The following MT1G variants were observed in gnomAD, a reference collection of about 807,000 sequenced individuals.
MT1G encodes the protein metallothionein 1G, also known as metallothionein-1G.
MT1G carries 8 observed loss-of-function variants against 9.1 expected under a neutral mutation model. That is an observed-to-expected ratio of 0.87 (90% CI 0.51 to 1.58). The LOEUF (loss-of-function observed/expected upper bound fraction) is 1.58, where lower values mean the gene tolerates loss of function less well. Among genes scored for constraint, MT1G ranks in the 40% most tolerant of loss-of-function variants. The pLI, the probability that MT1G is intolerant of heterozygous loss-of-function variation, is 0.00. For missense variants in MT1G, 79 were observed against 77.3 expected, an observed-to-expected ratio of 1.02 and a Z score of -0.08; for synonymous variants, 31 against 28.4, an observed-to-expected ratio of 1.09 and a Z score of -0.29.
intron 1 of MT1G, 127 bp downstream of exon 1, chr16:56,667,839 G>T: frequency 2.7e-6 from 3 of 1,131,924 alleles, no homozygotes; most frequent in Non-Finnish European, 4.0e-6. Flanking sequence ...CAACAGGAAA[G>T]CACTGGACCA....
At position 56,667,969 on chromosome 16, in the gene MT1G, C is replaced by T; in HGVS notation, c.25G>A (p.Ala9Thr). 1 of 1,613,938 alleles carries T rather than the reference C, an allele frequency of 6.2e-7. No homozygotes were observed. The change falls in exon 1 of 3, where the codon GCT becomes ACT. Residue 9 changes from alanine to threonine, a missense_variant. Coordinates refer to ENST00000379811, the MANE Select transcript of MT1G (RefSeq NM_001301267.2). Reference sequence around the variant, plus strand: ...ACAGAACCCGGGCGTCCCTTACCAGCGGCACAGGAGCAGTTGGGGTCCATT... The same window carrying T: ...ACAGAACCCGGGCGTCCCTTACCAGTGGCACAGGAGCAGTTGGGGTCCATT... MDPNCSCA[A>T]AGVSCTCASS... is the part of the protein sequence containing the mutation.
intron 2 of MT1G, 113 bp downstream of exon 2, chr16:56,667,199 C>T (rs1227311854): frequency 6.3e-7 from 1 of 1,596,008 alleles, no homozygotes; most frequent in East Asian, 2.2e-5. Flanking sequence ...CAGTGACAAC[C>T]TACAGGGACA....
intron 1 of MT1G, among the ~76,000 whole-genome samples, chr16:56,667,750 C>A (rs1960805873): frequency 6.6e-6 from 1 of 152,172 alleles, no homozygotes; most frequent in Non-Finnish European, 1.5e-5. Flanking sequence ...TGACGTGGAG[C>A]AGGACAGCCT....
At position 56,667,085 on chromosome 16, in the gene MT1G, A is replaced by G. The variant is rs576853158; in HGVS notation, c.98-115T>C. ...CAGAGGACCCTTAGTTCATGATGGC[A>G]TGGTTTTTGTCAGGAGACAACTGGT... On this transcript the variant is annotated intron_variant, in intron 2 of 2. Transcript: ENST00000379811. 130 of 1,581,512 alleles carry G rather than the reference A, an allele frequency of 8.2e-5. No homozygotes were observed. The South Asian group carries it at 1.5e-3, about 18-fold the overall frequency.
In MT1G at chr16:56,666,855, C is replaced by G. The variant is rs373980553; in HGVS notation, c.*24G>C. 1.4e-5 allele frequency: 23 copies of G among 1,612,676 alleles called. No homozygotes were observed. Among genetic ancestry groups the G allele is most frequent in the Non-Finnish European group, 1.9e-5 (23 of 1,179,584 alleles). On this transcript the variant is annotated 3_prime_UTR_variant, in exon 3 of 3. Transcript: ENST00000379811. ...GATTTTACGGGTCACTCTATTTGTA[C>G]TTGGGAGCAGGGCTGTCCCGACATC...
intron 1 of MT1G, 69 bp downstream of exon 1, chr16:56,667,897 A>G: frequency 1.3e-6 from 2 of 1,583,302 alleles, no homozygotes; most frequent in Non-Finnish European, 1.7e-6. Flanking sequence ...ACCTCCTCAA[A>G]CCCAGGGACA....
intron 2 of MT1G, 73 bp from the exon 3 acceptor site, chr16:56,667,043 C>T (rs1278846830): frequency 1.2e-6 from 2 of 1,603,106 alleles, no homozygotes; most frequent in Admixed American, 1.7e-5. Flanking sequence ...AGAGGCCTGT[C>T]TCCATCCCTC....
chr16:56,667,744 G>A (rs752154953), intron 1 of MT1G, among the ~76,000 whole-genome samples: 3 of 152,206 alleles, frequency 2.0e-5, no homozygotes, highest in Non-Finnish European at 4.4e-5. Flanking sequence ...ACCAGGTGAC[G>A]TGGAGCAGGA....
Position 56,668,036 on chromosome 16 carries a change from G to A in MT1G, c.-43C>T. On this transcript the variant is annotated 5_prime_UTR_variant, in exon 1 of 3. Transcript: ENST00000379811. ...CTAGAGTTCCCAAGCGAGAAGGGAA[G>A]AGGCAGTGGGTGCACGTGGAAGGCG... 1 of 1,608,670 alleles carries A rather than the reference G, an allele frequency of 6.2e-7. No individual in the cohort carries two copies. The highest frequency in any genetic ancestry group is 8.5e-7 in the Non-Finnish European group (1 of 1,175,406).
At position 56,666,880 on chromosome 16, in the gene MT1G, C is replaced by T. The variant is rs1396739349; in HGVS notation, c.188G>A (p.Ter63=). ...CTTGGGAGCAGGGCTGTCCCGACATCAGGCGCAGCAGCTGCACTTCTCCGA... is the reference window on the plus strand; with the variant it reads ...CTTGGGAGCAGGGCTGTCCCGACATTAGGCGCAGCAGCTGCACTTCTCCGA... The part of the protein sequence containing the change: ...GASEKCSCCA[*] Residue 63 remains the stop codon, a stop_retained_variant, in exon 3 of 3, where the codon TGA becomes TAA. Coordinates refer to ENST00000379811, the MANE Select transcript of MT1G (RefSeq NM_001301267.2). The T allele has an allele frequency of 4.3e-6, 7 of 1,614,260 alleles. No homozygotes were observed. Among genetic ancestry groups the T allele is most frequent in the Non-Finnish European group, 5.9e-6 (7 of 1,180,036 alleles).
Position 56,667,530 on chromosome 16 carries a change from T to C in MT1G, c.29-150A>G, listed in dbSNP as rs191020083. 26 of 1,176,158 alleles carry C rather than the reference T, an allele frequency of 2.2e-5. No homozygotes were observed. In the Admixed American group the frequency reaches 2.8e-4, roughly 13 times the overall value. The allele number at this position is 1,176,158 out of a possible 1,614,324, so 72.9% of individuals were successfully genotyped here. ...AGAGGAAGAGAAGCCCCATGTCCTC[T>C]CCATTCATGCTGGGAAAACCAAGCA... On this transcript the variant is annotated intron_variant, in intron 1 of 2. Transcript: ENST00000379811.
chr16:56,667,056 G>A, intron 2 of MT1G, 86 bp from the exon 3 acceptor site: 1 of 1,597,252 alleles, frequency 6.3e-7, no homozygotes, highest in Admixed American at 1.7e-5. Flanking sequence ...CATCCCTCCA[G>A]CCCCAGAGGA....
Position 56,666,927 on chromosome 16 carries a change from C to T in MT1G, c.141G>A (p.Gln47=). 1 of 1,614,232 alleles carries T rather than the reference C, an allele frequency of 6.2e-7. No individual in the cohort carries two copies. The highest frequency in any genetic ancestry group is 8.5e-7 in the Non-Finnish European group (1 of 1,180,046). ...CCPVGCAKCA[Q]GCICKGASEK... ...CCGATGCCCCTTTGCAGATGCAGCC[C>T]TGGGCACACTTGGCACAGCCCACAG... Residue 47 remains glutamine (Q), a synonymous_variant, in exon 3 of 3, where the codon CAG becomes CAA. Coordinates refer to ENST00000379811, the MANE Select transcript of MT1G (RefSeq NM_001301267.2).
chr16:56,667,337 C>T lies in MT1G; in HGVS notation c.72G>A (p.Glu24=), dbSNP rs779502858. 5 of 1,614,162 alleles carry T rather than the reference C, an allele frequency of 3.1e-6. No individual in the cohort carries two copies. Among genetic ancestry groups the T allele is most frequent in the African/African-American group, 1.3e-5 (1 of 74,960 alleles). ...CTCASSCKCK[E]CKCTSCKKSC... Reference sequence around the variant, plus strand: ...TCTTCTTGCAGGAGGTGCATTTGCACTCTTTGCACTTGCAGGAGCTGGCGC... The same window carrying T: ...TCTTCTTGCAGGAGGTGCATTTGCATTCTTTGCACTTGCAGGAGCTGGCGC... Residue 24 remains glutamate, a synonymous_variant, in exon 2 of 3, where the codon GAG becomes GAA. Coordinates refer to ENST00000379811, the MANE Select transcript of MT1G (RefSeq NM_001301267.2).
In MT1G at chr16:56,666,988, T is replaced by A. The variant is rs746601652; in HGVS notation, c.98-18A>T. On this transcript the variant is annotated intron_variant, in intron 2 of 2. Coordinates refer to ENST00000379811, the MANE Select transcript of MT1G (RefSeq NM_001301267.2). ...GCAGCAGCCTGGGGAGGAAAGGAGA[T>A]TGAGAGGTCAGAGCAGACTCGATCA... 1.7e-5 allele frequency: 28 copies of A among 1,613,548 alleles called. No homozygotes were observed. The highest frequency in any genetic ancestry group is 2.4e-5 in the Non-Finnish European group (28 of 1,179,926).
intron 1 of MT1G, 137 bp from the exon 2 acceptor site, chr16:56,667,517 G>C (rs1567353979): frequency 2.4e-6 from 3 of 1,256,122 alleles, no homozygotes; most frequent in Middle Eastern, 1.9e-4. Context: ...AGGAAGAGAA[G>C]CCCCATGTCC....
At chr16:56,667,832 C>G (rs1960807565) in intron 1 of MT1G, 134 bp downstream of exon 1, 1 of 1,080,280 alleles carries the variant, frequency 9.3e-7, no homozygotes, top group Non-Finnish European at 1.4e-6. Context: ...GCTTGGCCAA[C>G]AGGAAAGCAC....
At position 56,667,327 on chromosome 16, in the gene MT1G, T is replaced by C; in HGVS notation, c.82A>G (p.Thr28Ala). 6.2e-7 allele frequency: 1 copy of C among 1,614,190 alleles called. No homozygotes were observed. The highest frequency in any genetic ancestry group is 1.6e-4 in the Middle Eastern group (1 of 6,062). ...SSCKCKECKC[T>A]SCKKSCCSCC... ...CCGCACTCACTCTTCTTGCAGGAGGTGCATTTGCACTCTTTGCACTTGCAG... is the reference window on the plus strand; with the variant it reads ...CCGCACTCACTCTTCTTGCAGGAGGCGCATTTGCACTCTTTGCACTTGCAG... The change falls in exon 2 of 3, where the codon ACC becomes GCC. Residue 28 changes from threonine (T) to alanine (A), a missense_variant. Transcript: ENST00000379811.
Position 56,667,357 on chromosome 16 carries a change from T to C in MT1G, c.52A>G (p.Ser18Gly), listed in dbSNP as rs574116299. 73 of 1,614,086 alleles carry C rather than the reference T, an allele frequency of 4.5e-5. No individual in the cohort carries two copies. Among genetic ancestry groups the C allele is most frequent in the Non-Finnish European group, 6.2e-5 (73 of 1,180,046 alleles). The change falls in exon 2 of 3, where the codon AGC becomes GGC. Residue 18 changes from serine (S) to glycine (G), a missense_variant. Ser to Gly is a moderately conservative substitution (Grantham distance 56). Transcript: ENST00000379811. ...AAAGVSCTCA[S>G]SCKCKECKCT... The stretch of plus-strand genomic sequence containing the variant: ...TTGCACTCTTTGCACTTGCAGGAGC[T>C]GGCGCAGGTGCAGGAGACACCTGCT...
Sources: allele counts gnomAD v4.1 joint callset (sites outside exome capture counted in the v4.1 genomes callset), GRCh38; gene constraint gnomAD v4.1.1; transcripts MANE v1.5; gene names NCBI Gene and HGNC (gene_info 2026-07-23, HGNC 2026-07-21).